Variants in CSTPP1 observed in about 807,000 individuals in gnomAD.
The protein encoded by CSTPP1 is centriolar satellite-associated tubulin polyglutamylase complex regulator 1, also known as UPF0705 protein C11orf49.
the CSTPP1 span, among the ~76,000 whole-genome samples, chr11:47,035,575 A>G: frequency 6.6e-6 from 1 of 152,202 alleles, no homozygotes; most frequent in African/African-American, 2.4e-5. Flanking sequence ...GCTACAGTTA[A>G]TTTTATACAG....
At chr11:47,144,865 A>C in the CSTPP1 span, among the ~76,000 whole-genome samples, 40 of 151,988 alleles carry the variant, frequency 2.6e-4, 1 homozygote, top group Non-Finnish European at 2.5e-4. Context: ...ACATCCCCAG[A>C]GTTCAGTAGG....
the CSTPP1 span, among the ~76,000 whole-genome samples, chr11:47,112,299 T>G: frequency 6.7e-6 from 1 of 149,366 alleles, no homozygotes; most frequent in Non-Finnish European, 1.5e-5. Context: ...CTCAGTTAAC[T>G]TTCTATATAG....
At chr11:47,008,566 C>G in the CSTPP1 span, among the ~76,000 whole-genome samples, 1 of 151,794 alleles carries the variant, frequency 6.6e-6, no homozygotes, top group South Asian at 2.1e-4. Context: ...CTCTCAAACT[C>G]CAGTCCTCAA....
chr11:47,162,396 C>T, the CSTPP1 span: 3 of 306,972 alleles, frequency 9.8e-6, no homozygotes, highest in Non-Finnish European at 1.4e-5. Flanking sequence ...GGCCTAGCTT[C>T]GCACAAGAGC....
chr11:47,124,251 G>A, the CSTPP1 span, among the ~76,000 whole-genome samples: 1 of 148,158 alleles, frequency 6.7e-6, no homozygotes. Flanking sequence ...AGCCTCCTGA[G>A]TAGCTGGGAT....
chr11:47,129,928 C>G, the CSTPP1 span, among the ~76,000 whole-genome samples: 1 of 152,126 alleles, frequency 6.6e-6, no homozygotes, highest in East Asian at 1.9e-4. Context: ...AAATACATTT[C>G]TAGCTTGGTG....
At chr11:47,032,775 A>G in the CSTPP1 span, among the ~76,000 whole-genome samples, 8 of 152,150 alleles carry the variant, frequency 5.3e-5, no homozygotes, top group Admixed American at 3.9e-4. Context: ...GAAGAAGAGG[A>G]AATAAAAACA....
At chr11:47,097,365 G>A in the CSTPP1 span, among the ~76,000 whole-genome samples, 2 of 106,878 alleles carry the variant, frequency 1.9e-5, no homozygotes, top group African/African-American at 7.4e-5. Context: ...CCCCGTCTGG[G>A]AGGTGAGGGG....
chr11:47,140,599 T>A, the CSTPP1 span, among the ~76,000 whole-genome samples: 1 of 151,760 alleles, frequency 6.6e-6, no homozygotes, highest in East Asian at 2.0e-4. Context: ...CCGGCTAATT[T>A]TTTTTTTTTT....
At chr11:47,067,626 A>G in the CSTPP1 span, among the ~76,000 whole-genome samples, 21 of 152,244 alleles carry the variant, frequency 1.4e-4, no homozygotes, top group African/African-American at 4.6e-4. Context: ...GTGAGGACAC[A>G]GTGAGAAGGC....
At chr11:46,939,254 C>A in the CSTPP1 span, among the ~76,000 whole-genome samples, 1 of 151,696 alleles carries the variant, frequency 6.6e-6, no homozygotes, top group Admixed American at 6.6e-5. Flanking sequence ...CCACGCCTGG[C>A]TAATTTTGTA....
chr11:47,097,648 G>T, the CSTPP1 span, among the ~76,000 whole-genome samples: 1 of 90,966 alleles, frequency 1.1e-5, no homozygotes, highest in Non-Finnish European at 2.4e-5. Flanking sequence ...TCGGCCCCCC[G>T]CCCGGCCAGC....
the CSTPP1 span, among the ~76,000 whole-genome samples, chr11:47,104,789 G>T: frequency 1.3e-5 from 2 of 152,208 alleles, no homozygotes; most frequent in African/African-American, 2.4e-5. Context: ...GTTAGATCCA[G>T]CGTGTTGAAA....
the CSTPP1 span, chr11:46,987,646 G>C: frequency 5.2e-6 from 1 of 192,318 alleles, no homozygotes; most frequent in African/African-American, 2.3e-5. Flanking sequence ...CATCTAGCCT[G>C]TTTTTTTTCA....
At chr11:47,160,824 T>G in the CSTPP1 span, 2 of 422,734 alleles carry the variant, frequency 4.7e-6, no homozygotes, top group Non-Finnish European at 8.7e-6. Flanking sequence ...AAGAAGGAAC[T>G]CAACTCCCAG....
the CSTPP1 span, among the ~76,000 whole-genome samples, chr11:46,957,362 C>T: frequency 2.6e-5 from 4 of 152,164 alleles, no homozygotes; most frequent in Non-Finnish European, 5.9e-5. Flanking sequence ...TAGATTGCAT[C>T]CTCTAGTAGC....
At chr11:47,061,890 A>G in the CSTPP1 span, among the ~76,000 whole-genome samples, 1 of 152,064 alleles carries the variant, frequency 6.6e-6, no homozygotes, top group Admixed American at 6.6e-5. Context: ...TGTACCTCCA[A>G]TAACTTTAAT....
the CSTPP1 span, among the ~76,000 whole-genome samples, chr11:47,125,674 TAAC>T: frequency 6.6e-6 from 1 of 152,212 alleles, no homozygotes; most frequent in Admixed American, 6.5e-5. Flanking sequence ...GCTTTGCTAA[TAAC>T]ATAAAATTTC....
chr11:47,067,268 CA>C, the CSTPP1 span, among the ~76,000 whole-genome samples: 1 of 152,060 alleles, frequency 6.6e-6, no homozygotes, highest in Admixed American at 6.5e-5. Context: ...GAGAAATCAA[CA>C]AATTTTCTCA....
Sources: allele counts gnomAD v4.1 joint callset (sites outside exome capture counted in the v4.1 genomes callset), GRCh38; gene constraint gnomAD v4.1.1; transcripts MANE v1.5; gene names NCBI Gene and HGNC (gene_info 2026-07-23, HGNC 2026-07-21).